The following EVC2 variants were observed in gnomAD, a reference collection of about 807,000 sequenced individuals.
The protein encoded by EVC2 is limbin.
Under a neutral mutation model 149.3 loss-of-function variants are expected in EVC2, and 148 were observed. That is an observed-to-expected ratio of 0.99 (90% CI 0.87 to 1.14). The LOEUF (loss-of-function observed/expected upper bound fraction) is 1.14. Among genes scored for constraint, EVC2 ranks in the 50% most tolerant of loss-of-function variants. The pLI, the probability that EVC2 is intolerant of heterozygous loss-of-function variation, is 0.00. For missense variants in EVC2, 1,854 were observed against 1,627.3 expected, an observed-to-expected ratio of 1.14 and a Z score of -2.40; for synonymous variants, 776 against 649.9, an observed-to-expected ratio of 1.19 and a Z score of -2.95.
chr4:5,563,400 G>A (rs1444068184), intron 21 of EVC2, among the ~76,000 whole-genome samples: 3 of 152,160 alleles, frequency 2.0e-5, no homozygotes, highest in Non-Finnish European at 4.4e-5. Flanking sequence ...CAGATGCAGT[G>A]CAATGGCACA....
At chr4:5,577,484 C>A (rs1723002308) in intron 17 of EVC2, among the ~76,000 whole-genome samples, 1 of 152,126 alleles carries the variant, frequency 6.6e-6, no homozygotes, top group African/African-American at 2.4e-5. Flanking sequence ...GGTGTTAAAT[C>A]CTAAGAGGCC....
At chr4:5,587,411 G>C (rs958293729) in intron 16 of EVC2, among the ~76,000 whole-genome samples, 2 of 152,200 alleles carry the variant, frequency 1.3e-5, no homozygotes, top group Admixed American at 1.3e-4. Flanking sequence ...TGTTTTCAAA[G>C]TTCATCTACT....
At chr4:5,620,420 G>T (rs913762193) in intron 14 of EVC2, among the ~76,000 whole-genome samples, 1 of 152,150 alleles carries the variant, frequency 6.6e-6, no homozygotes, top group Non-Finnish European at 1.5e-5. Flanking sequence ...ATCAAGACAG[G>T]AACTTCCGAA....
intron 8 of EVC2, 77 bp from the exon 9 acceptor site, chr4:5,663,323 G>C: frequency 6.2e-7 from 1 of 1,601,004 alleles, no homozygotes; most frequent in Non-Finnish European, 8.5e-7. Context: ...CAGGAGGGAA[G>C]GCCAGGGGTC....
In EVC2 at chr4:5,625,307, TACAC is replaced by T. The variant is rs71171407; in HGVS notation, c.2046+438_2046+441del. Among the ~76,000 whole-genome samples, 29,450 of 139,618 alleles carry T rather than the reference TACAC, an allele frequency of 0.21. 3,343 individuals carry two copies. Among genetic ancestry groups the T allele is most frequent in the East Asian group, 0.5 (2,390 of 4,736 alleles). The allele number at this position is 139,618 out of a possible 152,430, so 91.6% of individuals were successfully genotyped here. ...CTTACTAGATATTTGACCTTGACCA[TACAC>T]ACACACACACACACACACACACACA... On this transcript the variant is annotated intron_variant, in intron 13 of 21. Coordinates refer to ENST00000344408, the MANE Select transcript of EVC2 (RefSeq NM_147127.5). This position sits in a 1 kb window ranked among gnomAD's most constrained non-coding sequence, Gnocchi z 4.0.
chr4:5,604,396 G>A (rs906386643), intron 16 of EVC2, among the ~76,000 whole-genome samples: 3 of 152,174 alleles, frequency 2.0e-5, no homozygotes, highest in African/African-American at 4.8e-5. Flanking sequence ...CCACTCACAC[G>A]TGGATTTGCT....
chr4:5,557,583 G>A (rs1195471099), downstream of EVC2, among the ~76,000 whole-genome samples: 1 of 152,070 alleles, frequency 6.6e-6, no homozygotes, highest in East Asian at 1.9e-4. Context: ...GAAATAAAAT[G>A]TATACAAATT....
Position 5,693,732 on chromosome 4 carries a change from G to A in EVC2, c.450+603C>T, listed in dbSNP as rs536023359. On this transcript the variant is annotated intron_variant, in intron 3 of 21. Transcript: ENST00000344408. ...GGGCTCTTGGCCATCGTAGCTCATT[G>A]GCCAAGCTCAACAGTTCTCGTACTA... is the stretch of plus-strand genomic sequence containing the variant. 3.3e-5 allele frequency among the ~76,000 whole-genome samples: 5 copies of A among 152,312 alleles called. No homozygotes were observed. The East Asian group carries it at 7.7e-4, about 23-fold the overall frequency.
chr4:5,650,408 G>C (rs1324660298), intron 9 of EVC2, among the ~76,000 whole-genome samples: 3 of 151,710 alleles, frequency 2.0e-5, no homozygotes, highest in Admixed American at 2.0e-4. Context: ...TGGAAGCATG[G>C]GCTTGGAAGT....
chr4:5,577,886 G>A (rs578073454), intron 17 of EVC2, among the ~76,000 whole-genome samples: 9 of 152,248 alleles, frequency 5.9e-5, no homozygotes, highest in African/African-American at 1.9e-4. Flanking sequence ...GCATGGCCAG[G>A]AGCTGGAGAC....
At chr4:5,606,172 A>G (rs995900422) in intron 16 of EVC2, among the ~76,000 whole-genome samples, 5 of 152,208 alleles carry the variant, frequency 3.3e-5, no homozygotes, top group African/African-American at 1.2e-4. Flanking sequence ...CTGAGCTGCT[A>G]AGTGCAGCCT....
rs1721113511 is a variant in EVC2 at position 5,691,423 on chromosome 4, G to A, written c.451-90C>T. On this transcript the variant is annotated intron_variant, in intron 3 of 21. Transcript: ENST00000344408. ...AGTACAAGATAATGAAATTTTTACA[G>A]AGGGTAGAAAGATTACTGCTACTAA... 8 of 1,090,026 alleles carry A rather than the reference G, an allele frequency of 7.3e-6. No homozygotes were observed. In the South Asian group the frequency reaches 1.1e-4, roughly 15 times the overall value. The allele number at this position is 1,090,026 out of a possible 1,614,324, so 67.5% of individuals were successfully genotyped here.
In EVC2 at chr4:5,685,369, C is replaced by G. The variant is rs1355905411; in HGVS notation, c.816+1G>C. 6.2e-7 allele frequency: 1 copy of G among 1,614,056 alleles called. No individual in the cohort carries two copies. Among genetic ancestry groups the G allele is most frequent in the South Asian group, 1.1e-5 (1 of 91,080 alleles). On this transcript the variant is annotated splice_donor_variant, in intron 6 of 21. Transcript: ENST00000344408. LOFTEE classifies it high-confidence loss of function. ...AGAGATTAAAGTAACAAAGGTCATA[C>G]CCGTGACGAGCTCTGAAAGGTGAGT...
At chr4:5,630,038 A>G (rs1716415365) in intron 11 of EVC2, among the ~76,000 whole-genome samples, 1 of 152,234 alleles carries the variant, frequency 6.6e-6, no homozygotes, top group Non-Finnish European at 1.5e-5. Context: ...GAGTAAAATG[A>G]TAACGAATCT....
At chr4:5,651,172 G>A (rs935631480) in intron 9 of EVC2, among the ~76,000 whole-genome samples, 5 of 152,096 alleles carry the variant, frequency 3.3e-5, no homozygotes, top group Non-Finnish European at 5.9e-5. Context: ...AGGAATGCAC[G>A]GGTAGGCGAA....
chr4:5,687,791 G>A (rs1223284668), intron 5 of EVC2, among the ~76,000 whole-genome samples: 1 of 152,148 alleles, frequency 6.6e-6, no homozygotes, highest in Admixed American at 6.5e-5. Context: ...AATGAGATGA[G>A]AGACGTGCAG....
intron 14 of EVC2, among the ~76,000 whole-genome samples, chr4:5,621,868 A>C (rs188464497): frequency 6.6e-6 from 1 of 152,326 alleles, no homozygotes; most frequent in Non-Finnish European, 1.5e-5. Context: ...ATTAAAAATA[A>C]ACATATCCAT....
intron 17 of EVC2, among the ~76,000 whole-genome samples, chr4:5,584,255 A>G (rs1712064535): frequency 6.6e-6 from 1 of 152,170 alleles, no homozygotes; most frequent in African/African-American, 2.4e-5. Context: ...TAATGCTAAT[A>G]ATTAGAATTT....
At position 5,636,701 on chromosome 4, in the gene EVC2, G is replaced by A. The variant is rs180838969; in HGVS notation, c.1470+3813C>T. On this transcript the variant is annotated intron_variant, in intron 10 of 21. Transcript: ENST00000344408. The surrounding 1 kb of genome is among the most constrained non-coding windows in gnomAD (Gnocchi z 4.6). Reference sequence around the variant, plus strand: ...GAACCAATGCTTCCTGGGTATCAAGGGAGGGATGACTGTACTGTACTAAAC... The same window carrying A: ...GAACCAATGCTTCCTGGGTATCAAGAGAGGGATGACTGTACTGTACTAAAC... Among the ~76,000 whole-genome samples, 290 of 152,218 alleles carry A rather than the reference G, an allele frequency of 1.9e-3. 3 individuals are homozygous for A. Among genetic ancestry groups the A allele is most frequent in the Non-Finnish European group, 2.9e-4 (20 of 68,010 alleles).
Sources: gnomAD v4.1 joint callset for allele counts (sites outside exome capture counted in the v4.1 genomes callset) on GRCh38, gnomAD v4.1.1 for gene constraint, Gnocchi (gnomAD v3.1) non-coding constraint, MANE v1.5 for transcripts, NCBI Gene and HGNC (gene_info 2026-07-23, HGNC 2026-07-21) for gene names.